Variants in NUFIP1 observed in about 807,000 individuals in gnomAD.
NUFIP1 encodes the protein FMR1-interacting protein NUFIP1.
In NUFIP1, 38 loss-of-function variants were observed where a neutral mutation model predicts 56.2. That is an observed-to-expected ratio of 0.68 (90% confidence interval 0.52 to 0.89). The LOEUF (loss-of-function observed/expected upper bound fraction) is 0.89. Ranked by LOEUF, NUFIP1 falls within the 40% of genes least tolerant of loss-of-function variation. The probability of loss-of-function intolerance (pLI) is 0.00; values close to 1 mark genes in which losing one functional copy is unlikely to be tolerated. For missense variants in NUFIP1, 567 were observed against 605.8 expected, an observed-to-expected ratio of 0.94 and a Z score of 0.67; for synonymous variants, 215 against 212.4, an observed-to-expected ratio of 1.01 and a Z score of -0.10.
At chr13:44,945,179 A>AAAAG (rs1396193675) in intron 8 of NUFIP1, among the ~76,000 whole-genome samples, 18 of 152,124 alleles carry the variant, frequency 1.2e-4, no homozygotes, top group South Asian at 8.3e-4. Flanking sequence ...CTTGAGAAAT[A>AAAAG]AAAGAGGAGG....
In NUFIP1 at chr13:44,959,403, A is replaced by G; in HGVS notation, c.999T>C (p.Gly333=). 1.2e-6 allele frequency: 2 copies of G among 1,613,892 alleles called. No homozygotes were observed. Among genetic ancestry groups the G allele is most frequent in the Non-Finnish European group, 1.7e-6 (2 of 1,179,970 alleles). The part of the protein sequence containing the change: ...GPPEANADPL[G]VLINSDSESD... ...TACCAGAATCACTGTTTATCAAAAC[A>G]CCAAGAGGATCTGCATTTGCCTCCG... Residue 333 remains glycine, a synonymous_variant, in exon 7 of 10, where the codon GGT becomes GGC. Transcript: ENST00000379161.
chr13:44,981,897 T>C (rs1041277900), intron 2 of NUFIP1, among the ~76,000 whole-genome samples, 175 bp downstream of exon 2: 18 of 152,352 alleles, frequency 1.2e-4, no homozygotes, highest in South Asian at 8.3e-4. Context: ...TTATGTATTA[T>C]TTTTGAATCC....
At chr13:44,953,584 T>C (rs532840596) in intron 7 of NUFIP1, among the ~76,000 whole-genome samples, 6 of 152,346 alleles carry the variant, frequency 3.9e-5, no homozygotes, top group Non-Finnish European at 5.9e-5. Context: ...GTGGCACCAA[T>C]TGTTCCAACT....
intron 5 of NUFIP1, among the ~76,000 whole-genome samples, chr13:44,971,660 C>T (rs978040177): frequency 2.6e-5 from 4 of 152,120 alleles, no homozygotes; most frequent in Admixed American, 1.3e-4. Context: ...CACTTCTAGC[C>T]AATGAGATCT....
chr13:44,952,781 G>C (rs1352611653), intron 7 of NUFIP1, among the ~76,000 whole-genome samples: 2 of 152,054 alleles, frequency 1.3e-5, no homozygotes, highest in African/African-American at 4.8e-5. Context: ...TTCCACTAAC[G>C]TCCTTTTTTC....
At chr13:44,950,792 A>G (rs1179845974) in intron 7 of NUFIP1, among the ~76,000 whole-genome samples, 1 of 152,216 alleles carries the variant, frequency 6.6e-6, no homozygotes, top group Non-Finnish European at 1.5e-5. Flanking sequence ...GCCCCAGGAC[A>G]CCACCTATTA....
At chr13:44,983,154 G>A (rs1225871627) in intron 1 of NUFIP1, among the ~76,000 whole-genome samples, 2 of 151,756 alleles carry the variant, frequency 1.3e-5, no homozygotes, top group Non-Finnish European at 2.9e-5. Flanking sequence ...ATGCCCAGCT[G>A]ACCCTGTCTC....
Position 44,979,952 on chromosome 13 carries a change from A to C in NUFIP1, c.595T>G (p.Cys199Gly). ...GTAAAAGAGCAATCTAATTCAGGGC[A>C]CTATGAGTTTTTAAAAGAAAAAAAA... ...YDKHMSEHTK[C>G]PELDCSFTAH... Residue 199 changes from cysteine (C) to glycine (G), a missense_variant and splice_region_variant, in exon 4 of 10, where the codon TGC (cysteine) becomes GGC (glycine). Physicochemically the swap from Cys to Gly is radical, Grantham distance 159. Coordinates refer to ENST00000379161, the MANE Select transcript of NUFIP1 (RefSeq NM_012345.3). 6.3e-7 allele frequency: 1 copy of C among 1,593,648 alleles called. No homozygotes were observed. The highest frequency in any genetic ancestry group is 1.4e-5 in the African/African-American group (1 of 73,708).
At position 44,943,587 on chromosome 13, in the gene NUFIP1, T is replaced by A; in HGVS notation, c.1226A>T (p.Lys409Ile). The A allele has an allele frequency of 1.9e-6, 3 of 1,614,168 alleles. No individual in the cohort carries two copies. The highest frequency in any genetic ancestry group is 2.5e-6 in the Non-Finnish European group (3 of 1,179,996). Residue 409 changes from lysine (K) to isoleucine (I), a missense_variant, in exon 9 of 10, where the codon AAA (lysine) becomes ATA (isoleucine). Physicochemically the swap from Lys to Ile is moderately radical, Grantham distance 102. Coordinates refer to ENST00000379161, the MANE Select transcript of NUFIP1 (RefSeq NM_012345.3). ...SAPKSPSQDV[K>I]ATVRNFSEAK... ...TTCTGAAAAATTTCTAACAGTTGCTTTAACATCTTGACTTGGACTCTTAGG... is the reference window on the plus strand; with the variant it reads ...TTCTGAAAAATTTCTAACAGTTGCTATAACATCTTGACTTGGACTCTTAGG...
chr13:44,943,478 G>A lies in NUFIP1; in HGVS notation c.1335C>T (p.Phe445=), dbSNP rs546801993. The stretch of plus-strand genomic sequence containing the variant: ...GATATGGATGGTGTGTTCTTGGTTC[G>A]AATAACGTTTGATAGTTGTGATAAT... ...KKDYHNYQTL[F]EPRTHHPYLL... The change falls in exon 9 of 10, where the codon TTC becomes TTT. Residue 445 remains phenylalanine, a synonymous_variant. Transcript: ENST00000379161. 11 of 1,613,872 alleles carry A rather than the reference G, an allele frequency of 6.8e-6. No homozygotes were observed. The highest frequency in any genetic ancestry group is 1.1e-5 in the South Asian group (1 of 91,062).
chr13:44,961,803 T>C (rs1026905154), intron 6 of NUFIP1, among the ~76,000 whole-genome samples: 2 of 152,176 alleles, frequency 1.3e-5, no homozygotes, highest in African/African-American at 4.8e-5. Flanking sequence ...TCTTTTCTCT[T>C]ACAGCATCTG....
intron 6 of NUFIP1, among the ~76,000 whole-genome samples, chr13:44,963,484 T>C (rs888651550): frequency 5.3e-5 from 8 of 152,236 alleles, no homozygotes; most frequent in African/African-American, 1.4e-4. Flanking sequence ...GTGATCACTA[T>C]TGCACCATTA....
chr13:44,942,550 G>A (rs935291591), intron 9 of NUFIP1, among the ~76,000 whole-genome samples: 2 of 152,128 alleles, frequency 1.3e-5, no homozygotes, highest in Non-Finnish European at 2.9e-5. Flanking sequence ...TACAAAATAA[G>A]TACTTAACTT....
chr13:44,968,199 A>G (rs1273213362), intron 5 of NUFIP1, among the ~76,000 whole-genome samples: 1 of 152,204 alleles, frequency 6.6e-6, no homozygotes, highest in East Asian at 1.9e-4. Context: ...CATAAAAGGA[A>G]AAGATCAAGG....
At chr13:44,942,316 C>A (rs1423788742) in intron 9 of NUFIP1, among the ~76,000 whole-genome samples, 1 of 151,942 alleles carries the variant, frequency 6.6e-6, no homozygotes, top group Non-Finnish European at 1.5e-5. Flanking sequence ...ATGTAGTTTG[C>A]CAAAAAGGAA....
At chr13:44,952,968 G>T (rs1871127630) in intron 7 of NUFIP1, among the ~76,000 whole-genome samples, 1 of 152,052 alleles carries the variant, frequency 6.6e-6, no homozygotes, top group Non-Finnish European at 1.5e-5. Flanking sequence ...TGACATTTTT[G>T]AAGATTAGAC....
chr13:44,974,396 T>G (rs1022315334), intron 5 of NUFIP1, among the ~76,000 whole-genome samples: 15 of 152,066 alleles, frequency 9.9e-5, no homozygotes, highest in South Asian at 2.1e-4. Context: ...AAAAACAAGG[T>G]AAAGAGGATG....
At chr13:44,987,950 G>A (rs1872470396) in intron 1 of NUFIP1, among the ~76,000 whole-genome samples, 1 of 152,192 alleles carries the variant, frequency 6.6e-6, no homozygotes, top group Admixed American at 6.5e-5. Flanking sequence ...TCAGTCCTCT[G>A]TAGCCACACT....
chr13:44,946,514 T>C (rs561310505), intron 8 of NUFIP1, among the ~76,000 whole-genome samples: 2 of 152,284 alleles, frequency 1.3e-5, no homozygotes, highest in African/African-American at 2.4e-5. Context: ...ACCAACCCAT[T>C]TGGAAGTATT....
Sources: allele counts gnomAD v4.1 joint callset (sites outside exome capture counted in the v4.1 genomes callset), GRCh38; gene constraint gnomAD v4.1.1; transcripts MANE v1.5; gene names NCBI Gene and HGNC (gene_info 2026-07-23, HGNC 2026-07-21).